EFCAB9: variants seen among roughly 807,000 people sequenced by gnomAD.
The protein encoded by EFCAB9 is EF-hand calcium binding domain 9.
A neutral mutation model predicts 15.6 loss-of-function variants in EFCAB9; 16 were observed. That is an observed-to-expected ratio of 1.03 (90% CI 0.69 to 1.56). EFCAB9 has a LOEUF of 1.56. Among genes scored for constraint, EFCAB9 ranks in the 40% most tolerant of loss-of-function variants. The pLI is 0.00. For missense variants in EFCAB9, 208 were observed against 235.4 expected, an observed-to-expected ratio of 0.88 and a Z score of 0.76; for synonymous variants, 76 against 85.4, an observed-to-expected ratio of 0.89 and a Z score of 0.61.
intron 1 of EFCAB9, among the ~76,000 whole-genome samples, chr5:172,197,661 C>CT (rs1335061341): frequency 6.6e-6 from 1 of 152,138 alleles, no homozygotes. Context: ...GGTTCGTGGT[C>CT]TCCCTGACTT....
intron 2 of EFCAB9, among the ~76,000 whole-genome samples, chr5:172,199,932 CTTT>C (rs34086491): frequency 3.9e-5 from 4 of 102,334 alleles, no homozygotes; most frequent in South Asian, 3.4e-4. Flanking sequence ...ACCCAGTTTC[CTTT>C]TTTTTTTTTT....
chr5:172,199,486 C>T lies in EFCAB9; in HGVS notation c.240C>T (p.Asp80=), dbSNP rs1467266949. 18 of 1,537,200 alleles carry T rather than the reference C, an allele frequency of 1.2e-5. No homozygotes were observed. The highest frequency in any genetic ancestry group is 3.6e-5 in the South Asian group (3 of 84,062). The change falls in exon 2 of 4, where the codon GAC becomes GAT. Residue 80 remains aspartate (D), a synonymous_variant. Transcript: ENST00000398186. The part of the protein sequence containing the change: ...MLDWNAVGEI[D]FEKFYMLVCM... ...ACTGGAACGCTGTGGGCGAGATCGACTTTGAGAAGTTCTACATGCTGGTGT... is the reference window on the plus strand; with the variant it reads ...ACTGGAACGCTGTGGGCGAGATCGATTTTGAGAAGTTCTACATGCTGGTGT...
chr5:172,202,011 G>A (rs998922687), intron 3 of EFCAB9, among the ~76,000 whole-genome samples: 4 of 152,100 alleles, frequency 2.6e-5, no homozygotes, highest in Admixed American at 6.6e-5. Flanking sequence ...GGTAATGATC[G>A]GTGAAAAAAG....
intron 1 of EFCAB9, among the ~76,000 whole-genome samples, chr5:172,197,399 G>A (rs529243291): frequency 6.6e-5 from 10 of 152,054 alleles, no homozygotes; most frequent in Non-Finnish European, 1.5e-4. Context: ...GAGCCACCGC[G>A]CCCAACGTGA....
At chr5:172,197,751 G>A (rs1247224600) in intron 1 of EFCAB9, among the ~76,000 whole-genome samples, 1 of 152,128 alleles carries the variant, frequency 6.6e-6, no homozygotes, top group Non-Finnish European at 1.5e-5. Context: ...GCAGCATCAA[G>A]ATTTATTGTG....
At chr5:172,199,160 A>C (rs1266356930) in intron 1 of EFCAB9, among the ~76,000 whole-genome samples, 2 of 152,204 alleles carry the variant, frequency 1.3e-5, no homozygotes, top group African/African-American at 4.8e-5. Flanking sequence ...CCACGATCTC[A>C]TTCTCCACAA....
intron 1 of EFCAB9, among the ~76,000 whole-genome samples, chr5:172,195,958 C>T (rs1277514371): frequency 6.6e-6 from 1 of 152,080 alleles, no homozygotes; most frequent in East Asian, 1.9e-4. Context: ...TGTGCACCAC[C>T]ACACCCGCTA....
chr5:172,202,170 C>T (rs1365630572), intron 3 of EFCAB9, among the ~76,000 whole-genome samples: 1 of 151,574 alleles, frequency 6.6e-6, no homozygotes, highest in Non-Finnish European at 1.5e-5. Flanking sequence ...GAAACCCCAT[C>T]TCTACTAAAA....
At chr5:172,199,609 T>C in intron 2 of EFCAB9, 78 bp downstream of exon 2, 1 of 1,487,212 alleles carries the variant, frequency 6.7e-7, no homozygotes. Context: ...GTTTTCCTCC[T>C]TTCACTAAAA....
At chr5:172,201,510 G>A (rs186163431) in intron 3 of EFCAB9, among the ~76,000 whole-genome samples, 43 of 152,266 alleles carry the variant, frequency 2.8e-4, no homozygotes, top group African/African-American at 1.0e-3. Flanking sequence ...TCACACCATT[G>A]CACTCCAGCC....
intron 1 of EFCAB9, among the ~76,000 whole-genome samples, chr5:172,196,389 CTTTT>C (rs557468567): frequency 7.0e-6 from 1 of 142,778 alleles, no homozygotes; most frequent in Non-Finnish European, 1.5e-5. Context: ...GGAGACATTT[CTTTT>C]TTTTTTTTTT....
intron 3 of EFCAB9, among the ~76,000 whole-genome samples, chr5:172,201,416 A>G (rs950420610): frequency 2.6e-4 from 40 of 151,942 alleles, no homozygotes; most frequent in Non-Finnish European, 1.5e-5. Flanking sequence ...GCGTGGTGGC[A>G]GGTGCCTGTA....
intron 3 of EFCAB9, 103 bp from the exon 4 acceptor site, chr5:172,203,111 T>G (rs966185779): frequency 2.5e-6 from 3 of 1,181,632 alleles, no homozygotes; most frequent in Non-Finnish European, 3.4e-6. Context: ...TGTCTTTAAT[T>G]TTCCAAGTTT....
chr5:172,200,273 G>T (rs987897758), intron 2 of EFCAB9, among the ~76,000 whole-genome samples: 3 of 152,218 alleles, frequency 2.0e-5, no homozygotes, highest in Admixed American at 1.3e-4. Context: ...CCCACGCCAT[G>T]ATGTTTCACA....
chr5:172,194,431 G>A (rs541729465), intron 1 of EFCAB9, 123 bp downstream of exon 1: 36 of 1,260,524 alleles, frequency 2.9e-5, no homozygotes, highest in South Asian at 1.6e-4. Flanking sequence ...ACGGAATCTC[G>A]CTCTATTGCC....
At position 172,200,852 on chromosome 5, in the gene EFCAB9, C is replaced by T. The variant is rs1771245788; in HGVS notation, c.462+110C>T. ...TGGGAGAGGAGGAGGGAGGGAAAAA[C>T]CTACTCAAATAAGCACATTGCATGG... On this transcript the variant is annotated intron_variant, in intron 3 of 3. Coordinates refer to ENST00000398186, the MANE Select transcript of EFCAB9 (RefSeq NM_001171183.2). 2 of 1,120,382 alleles carry T rather than the reference C, an allele frequency of 1.8e-6. 1 individual carries two copies. Among genetic ancestry groups the T allele is most frequent in the South Asian group, 3.3e-5 (2 of 60,070 alleles). 69.4% of individuals were successfully genotyped at this position (1,120,382 alleles called of 1,614,324 possible).
chr5:172,197,307 A>T (rs975787429), intron 1 of EFCAB9, among the ~76,000 whole-genome samples: 2 of 151,884 alleles, frequency 1.3e-5, no homozygotes, highest in African/African-American at 4.8e-5. Flanking sequence ...GGTTTTCTCC[A>T]TGTTGGTCAG....
At chr5:172,201,014 C>T (rs748345389) in intron 3 of EFCAB9, among the ~76,000 whole-genome samples, 2 of 152,152 alleles carry the variant, frequency 1.3e-5, no homozygotes, top group Non-Finnish European at 2.9e-5. Context: ...AGGAAGATCA[C>T]CTGAGGACAG....
intron 3 of EFCAB9, among the ~76,000 whole-genome samples, chr5:172,201,487 CA>C (rs1771255932): frequency 6.6e-6 from 1 of 152,040 alleles, no homozygotes; most frequent in Non-Finnish European, 1.5e-5. Flanking sequence ...GCGGAGGTTG[CA>C]GTCAGTCATG....
Sources: gnomAD v4.1 joint callset for allele counts (sites outside exome capture counted in the v4.1 genomes callset) on GRCh38, gnomAD v4.1.1 for gene constraint, MANE v1.5 for transcripts, NCBI Gene and HGNC (gene_info 2026-07-23, HGNC 2026-07-21) for gene names.